Variants in LRRC8D observed in about 807,000 individuals in gnomAD.
LRRC8D encodes the protein leucine rich repeat containing 8 VRAC subunit D, also known as volume-regulated anion channel subunit LRRC8D.
In LRRC8D, 20 loss-of-function variants were observed where a neutral mutation model predicts 55.8. The ratio of observed to expected loss-of-function variants is 0.36; its 90% CI spans 0.25 to 0.52. The LOEUF (loss-of-function observed/expected upper bound fraction) is 0.52, where lower values mean the gene tolerates loss of function less well. LRRC8D is among the 20% of genes least tolerant of loss of function. The pLI, the probability that LRRC8D is intolerant of heterozygous loss-of-function variation, is 0.93. For missense variants in LRRC8D, 651 were observed against 1,030.8 expected (o/e 0.63, Z 5.05); for synonymous variants, 352 against 377.0 (o/e 0.93, Z 0.77).
chr1:89,907,122 A>G (rs1663014424), intron 2 of LRRC8D, among the ~76,000 whole-genome samples: 1 of 149,940 alleles, frequency 6.7e-6, no homozygotes, highest in African/African-American at 2.4e-5. Context: ...CAGAACACAA[A>G]GGGTCCCAAA....
chr1:89,831,853 A>G (rs530162364), intron 1 of LRRC8D, among the ~76,000 whole-genome samples: 2 of 152,338 alleles, frequency 1.3e-5, no homozygotes, highest in South Asian at 4.1e-4. Context: ...CATAGGGGAA[A>G]GCTGGCTATG....
At chr1:89,878,962 C>T (rs375494699) in intron 2 of LRRC8D, among the ~76,000 whole-genome samples, 5 of 133,320 alleles carry the variant, frequency 3.8e-5, no homozygotes, top group Admixed American at 2.2e-4. Flanking sequence ...AGCGAAAATC[C>T]GTCTCAAAAA....
At chr1:89,864,416 A>C (rs1297514493) in intron 2 of LRRC8D, among the ~76,000 whole-genome samples, 2 of 152,204 alleles carry the variant, frequency 1.3e-5, no homozygotes, top group Non-Finnish European at 2.9e-5. Flanking sequence ...AGACACCACT[A>C]TCCACCAGTT....
At chr1:89,867,837 A>G (rs561820803) in intron 2 of LRRC8D, among the ~76,000 whole-genome samples, 84 of 152,212 alleles carry the variant, frequency 5.5e-4, no homozygotes, top group Non-Finnish European at 6.6e-4. Context: ...GTTTTACTAG[A>G]TTCTCAGGGT....
chr1:89,830,070 ATCTT>A lies in LRRC8D; in HGVS notation c.-148+8780_-148+8783del, dbSNP rs1284282045. ...AATATATTCAATATAAAAAAACTAT[ATCTT>A]CAAAGTAAATGAATGAATAAATAAA... On this transcript the variant is annotated intron_variant, in intron 1 of 2. Coordinates refer to ENST00000337338, the MANE Select transcript of LRRC8D (RefSeq NM_001134479.2). Among the ~76,000 whole-genome samples the A allele has an allele frequency of 3.9e-5, 6 of 152,350 alleles. No homozygotes were observed. The East Asian group carries it at 1.2e-3, about 29-fold the overall frequency.
chr1:89,831,116 G>A (rs368614156), intron 1 of LRRC8D, among the ~76,000 whole-genome samples: 2 of 152,180 alleles, frequency 1.3e-5, no homozygotes, highest in Admixed American at 1.3e-4. Flanking sequence ...ATGTTGGCCA[G>A]GCTGGTCTCG....
chr1:89,915,046 G>GGT (rs61198174), intron 2 of LRRC8D, among the ~76,000 whole-genome samples: 3 of 149,420 alleles, frequency 2.0e-5, no homozygotes, highest in African/African-American at 5.0e-5. Flanking sequence ...GTGTGTGTGT[G>GGT]GTGTGTGTGT....
chr1:89,848,997 C>A (rs958525726), intron 2 of LRRC8D, among the ~76,000 whole-genome samples: 1 of 152,144 alleles, frequency 6.6e-6, no homozygotes, highest in Non-Finnish European at 1.5e-5. Flanking sequence ...CGTACCTGGC[C>A]AATAACCCTG....
At chr1:89,838,649 C>T (rs1355417819) in intron 1 of LRRC8D, among the ~76,000 whole-genome samples, 1 of 152,110 alleles carries the variant, frequency 6.6e-6, no homozygotes, top group Non-Finnish European at 1.5e-5. Flanking sequence ...GGGATCTTAC[C>T]CTTCTTTCAC....
intron 2 of LRRC8D, among the ~76,000 whole-genome samples, chr1:89,923,648 A>G (rs969351112): frequency 1.3e-5 from 2 of 152,252 alleles, no homozygotes; most frequent in African/African-American, 4.8e-5. Flanking sequence ...ACAAAGAATA[A>G]AGCTGGAGAT....
chr1:89,890,967 C>T (rs958477434), intron 2 of LRRC8D, among the ~76,000 whole-genome samples: 4 of 152,112 alleles, frequency 2.6e-5, no homozygotes, highest in Admixed American at 2.0e-4. Context: ...CTGCAAGCTC[C>T]GCCTCCCGGG....
rs892081112 is a variant in LRRC8D at position 89,933,803 on chromosome 1, G to C, written c.735G>C (p.Gly245=). The C allele has an allele frequency of 6.2e-7, 1 of 1,614,050 alleles. No individual in the cohort carries two copies. The highest frequency in any genetic ancestry group is 1.3e-5 in the African/African-American group (1 of 74,912). ...PKHVSTSSDE[G]SPSASTPMIN... is the part of the protein sequence containing the mutation. ...ATGTTTCTACCAGCAGTGATGAAGG[G>C]AGCCCCAGTGCCAGTACACCAATGA... The change falls in exon 3 of 3, where the codon GGG becomes GGC. Residue 245 remains glycine (G), a synonymous_variant. Coordinates refer to ENST00000337338, the MANE Select transcript of LRRC8D (RefSeq NM_001134479.2). This position sits in a 1 kb window ranked among gnomAD's most constrained non-coding sequence, Gnocchi z 7.0.
chr1:89,824,393 T>C (rs1264075486), intron 1 of LRRC8D, among the ~76,000 whole-genome samples: 1 of 152,162 alleles, frequency 6.6e-6, no homozygotes, highest in Non-Finnish European at 1.5e-5. Context: ...GAGCACAGTA[T>C]GATAGTGGAG....
chr1:89,825,696 A>G (rs972932003), intron 1 of LRRC8D, among the ~76,000 whole-genome samples: 3 of 152,216 alleles, frequency 2.0e-5, no homozygotes, highest in Non-Finnish European at 4.4e-5. Flanking sequence ...ATGTAAGTTC[A>G]TACTTAACTT....
chr1:89,845,435 A>C (rs547112355), intron 2 of LRRC8D, among the ~76,000 whole-genome samples: 2 of 152,222 alleles, frequency 1.3e-5, no homozygotes, highest in South Asian at 4.1e-4. Context: ...AAAGTAATCG[A>C]GAGAGATTCT....
At chr1:89,852,603 A>G (rs1661447333) in intron 2 of LRRC8D, among the ~76,000 whole-genome samples, 1 of 152,200 alleles carries the variant, frequency 6.6e-6, no homozygotes. Flanking sequence ...TTTATAACTT[A>G]AGGCACTTTA....
intron 1 of LRRC8D, among the ~76,000 whole-genome samples, chr1:89,821,497 C>T (rs1660630843): frequency 6.6e-6 from 1 of 152,166 alleles, no homozygotes; most frequent in African/African-American, 2.4e-5. Flanking sequence ...GCCGCCAGGG[C>T]CTGGGAGATT....
rs1239196715 is a variant in LRRC8D at position 89,889,045 on chromosome 1, A to G, written c.-2-44022A>G. On this transcript the variant is annotated intron_variant, in intron 2 of 2. Coordinates refer to ENST00000337338, the MANE Select transcript of LRRC8D (RefSeq NM_001134479.2). ...CATGGTGACTTCCCTCCAAAGAGCA[A>G]TGTGGGAAGGCAGAGAAACCTGACA... Among the ~76,000 whole-genome samples, 3 of 152,120 alleles carry G rather than the reference A, an allele frequency of 2.0e-5. No homozygotes were observed. The East Asian group carries it at 5.8e-4, about 29-fold the overall frequency.
chr1:89,850,164 T>G (rs965970296), intron 2 of LRRC8D, among the ~76,000 whole-genome samples: 10 of 152,228 alleles, frequency 6.6e-5, no homozygotes, highest in African/African-American at 2.4e-4. Flanking sequence ...AGAGTTTTGG[T>G]GCTACCCCTA....
Sources: gnomAD v4.1 joint callset for allele counts (sites outside exome capture counted in the v4.1 genomes callset) on GRCh38, gnomAD v4.1.1 for gene constraint, Gnocchi (gnomAD v3.1) non-coding constraint, MANE v1.5 for transcripts, NCBI Gene and HGNC (gene_info 2026-07-23, HGNC 2026-07-21) for gene names.